SLC39A11: variants seen among roughly 807,000 people sequenced by gnomAD.
The protein encoded by SLC39A11 is zinc transporter ZIP11.
A neutral mutation model predicts 36.1 loss-of-function variants in SLC39A11; 33 were observed. The observed-to-expected ratio is 0.91, with a 90% CI of 0.69 to 1.22. The LOEUF is 1.22. Among genes scored for constraint, SLC39A11 ranks in the 50% most tolerant of loss-of-function variants. The pLI is 0.00. For synonymous variants in SLC39A11, 166 were observed against 170.3 expected (o/e 0.97, Z 0.20); for missense variants, 432 against 430.3 (o/e 1.00, Z -0.03).
At chr17:72,985,486 C>T (rs4969045) in intron 4 of SLC39A11, among the ~76,000 whole-genome samples, 65,243 of 146,036 alleles carry the variant, frequency 0.45, 15,094 homozygotes, top group East Asian at 0.77. Context: ...CATCTCGGCT[C>T]ACTGCAACCT....
At chr17:72,653,270 A>ATT (rs554605842) in intron 7 of SLC39A11, among the ~76,000 whole-genome samples, 2 of 142,480 alleles carry the variant, frequency 1.4e-5, no homozygotes, top group African/African-American at 5.2e-5. Context: ...ACACCCCCCT[A>ATT]TTTTTTTTTT....
chr17:72,658,175 G>C (rs934391843), intron 7 of SLC39A11, among the ~76,000 whole-genome samples: 1 of 151,450 alleles, frequency 6.6e-6, no homozygotes, highest in African/African-American at 2.4e-5. Flanking sequence ...AGAAGATGGA[G>C]GGGGGCTGGG....
At chr17:72,721,592 T>C (rs1233665912) in intron 7 of SLC39A11, among the ~76,000 whole-genome samples, 1 of 152,212 alleles carries the variant, frequency 6.6e-6, no homozygotes, top group East Asian at 1.9e-4. Flanking sequence ...ATCATTACTG[T>C]GGTCCATGGA....
chr17:72,831,882 A>G (rs1363924603), intron 6 of SLC39A11, among the ~76,000 whole-genome samples: 1 of 152,172 alleles, frequency 6.6e-6, no homozygotes, highest in African/African-American at 2.4e-5. Context: ...CTGAGAGTAG[A>G]GCTTAAGTTA....
At chr17:72,730,944 T>G (rs1355469274) in intron 7 of SLC39A11, among the ~76,000 whole-genome samples, 2 of 151,970 alleles carry the variant, frequency 1.3e-5, no homozygotes, top group African/African-American at 4.8e-5. Context: ...TAGAGACGGG[T>G]TTTCACCATG....
intron 4 of SLC39A11, among the ~76,000 whole-genome samples, chr17:73,010,312 C>T (rs940430946): frequency 6.6e-6 from 1 of 152,150 alleles, no homozygotes; most frequent in Middle Eastern, 3.2e-3. Context: ...TAATCAACTG[C>T]AGGACAATTC....
rs148880410 is a variant in SLC39A11 at position 72,648,856 on chromosome 17, G to A, written c.876C>T (p.Ala292=). 2.7e-5 allele frequency: 43 copies of A among 1,614,020 alleles called. No individual in the cohort carries two copies. The highest frequency in any genetic ancestry group is 1.7e-4 in the Admixed American group (10 of 60,004). ...CCATGACCACGTAGACCATGGCACCGGCAGCAAAGGCCAGAGCGTAGGGCA... is the reference window on the plus strand; with the variant it reads ...CCATGACCACGTAGACCATGGCACCAGCAGCAAAGGCCAGAGCGTAGGGCA... ...PILPYALAFA[A]GAMVYVVMDD... is the part of the protein sequence containing the mutation. The change falls in exon 9 of 10, where the codon GCC becomes GCT. Residue 292 remains alanine (A), a synonymous_variant. Coordinates refer to ENST00000255559, the MANE Select transcript of SLC39A11 (RefSeq NM_139177.4).
chr17:72,863,786 G>A (rs1015535967), intron 5 of SLC39A11, among the ~76,000 whole-genome samples: 3 of 152,228 alleles, frequency 2.0e-5, no homozygotes, highest in Non-Finnish European at 4.4e-5. Flanking sequence ...CCAGGGATGG[G>A]AAAGAAGGTG....
chr17:72,909,899 T>TGCGCCCGCCAC (rs1478262644), intron 5 of SLC39A11, among the ~76,000 whole-genome samples: 1 of 151,472 alleles, frequency 6.6e-6, no homozygotes, highest in Non-Finnish European at 1.5e-5. Flanking sequence ...GCGCCCGCCA[T>TGCGCCCGCCAC]TACGCCCGGC....
At chr17:72,699,925 T>C (rs2072526849) in intron 7 of SLC39A11, among the ~76,000 whole-genome samples, 1 of 152,074 alleles carries the variant, frequency 6.6e-6, no homozygotes, top group Non-Finnish European at 1.5e-5. Context: ...TGGGGTTTGG[T>C]AGAGACCCAC....
intron 5 of SLC39A11, among the ~76,000 whole-genome samples, chr17:72,934,638 C>G (rs71380149): frequency 3.5e-4 from 54 of 152,252 alleles, no homozygotes; most frequent in Middle Eastern, 3.4e-3. Context: ...TGCACTCCAG[C>G]CTGGGCAACA....
rs551990717 is a variant in SLC39A11, at chr17:72,906,264, A to T, written c.430+41488T>A. Among the ~76,000 whole-genome samples, 131 of 152,390 alleles carry T rather than the reference A, an allele frequency of 8.6e-4. 3 individuals carry two copies. In the South Asian group the frequency reaches 0.024, roughly 28 times the overall value. On this transcript the variant is annotated intron_variant, in intron 5 of 9. Coordinates refer to ENST00000255559, the MANE Select transcript of SLC39A11 (RefSeq NM_139177.4). The stretch of plus-strand genomic sequence containing the variant: ...GTGACCAGACCCCATTCAGGAGTCC[A>T]CGGGAGAAGAGGAGGAAGTCAGCCA...
intron 3 of SLC39A11, among the ~76,000 whole-genome samples, chr17:73,039,238 G>A (rs1427867248): frequency 6.6e-6 from 1 of 152,010 alleles, no homozygotes; most frequent in African/African-American, 2.4e-5. Flanking sequence ...TGCTGTTTTG[G>A]ATTCATCCCT....
intron 4 of SLC39A11, among the ~76,000 whole-genome samples, chr17:73,016,157 A>G (rs2058157783): frequency 6.6e-6 from 1 of 152,058 alleles, no homozygotes; most frequent in African/African-American, 2.4e-5. Context: ...TAGATATGAC[A>G]ATATGTCCAG....
At chr17:72,921,275 G>A (rs1273299124) in intron 5 of SLC39A11, among the ~76,000 whole-genome samples, 1 of 152,204 alleles carries the variant, frequency 6.6e-6, no homozygotes, top group East Asian at 1.9e-4. Context: ...AGGATTTGGA[G>A]AGTGTGACAC....
chr17:72,851,383 T>A (rs1277816466), intron 5 of SLC39A11, among the ~76,000 whole-genome samples: 2 of 152,074 alleles, frequency 1.3e-5, no homozygotes, highest in Non-Finnish European at 2.9e-5. Flanking sequence ...GATGGATTTG[T>A]GGGGAAGGCT....
chr17:72,716,956 G>A (rs1442819880), intron 7 of SLC39A11, among the ~76,000 whole-genome samples: 2 of 138,942 alleles, frequency 1.4e-5, no homozygotes, highest in Non-Finnish European at 3.0e-5. Context: ...GAAACAGAGG[G>A]AGACCCTGTC....
At chr17:72,821,149 A>G (rs1463724762) in intron 6 of SLC39A11, among the ~76,000 whole-genome samples, 1 of 150,614 alleles carries the variant, frequency 6.6e-6, no homozygotes, top group Non-Finnish European at 1.5e-5. Context: ...TTACGTTAGA[A>G]TGAGATCATC....
chr17:72,814,001 C>T (rs1337743769), intron 6 of SLC39A11, among the ~76,000 whole-genome samples: 5 of 152,190 alleles, frequency 3.3e-5, no homozygotes, highest in African/African-American at 4.8e-5. Flanking sequence ...GGGACTTATC[C>T]GGTCTCAGAA....
Sources: allele counts gnomAD v4.1 joint callset (sites outside exome capture counted in the v4.1 genomes callset), GRCh38; gene constraint gnomAD v4.1.1; transcripts MANE v1.5; gene names NCBI Gene and HGNC (gene_info 2026-07-23, HGNC 2026-07-21).